The following GLIPR1L2 variants were observed in gnomAD, a reference collection of about 807,000 sequenced individuals.
GLIPR1L2 encodes the protein GLIPR1-like protein 2.
GLIPR1L2 carries 21 observed loss-of-function variants against 28.4 expected under a neutral mutation model. That is an observed-to-expected ratio of 0.74 (90% CI 0.52 to 1.06). GLIPR1L2 has a LOEUF of 1.06. Among genes scored for constraint, GLIPR1L2 ranks in the 50% least tolerant of loss-of-function variants. The probability of loss-of-function intolerance (pLI) is 0.00; values close to 1 mark genes in which losing one functional copy is unlikely to be tolerated. For synonymous variants in GLIPR1L2, 145 were observed against 139.3 expected (o/e 1.04, Z -0.29); for missense variants, 476 against 416.9 (o/e 1.14, Z -1.23).
chr12:75,394,057 C>A (rs961725656), intron 1 of GLIPR1L2, among the ~76,000 whole-genome samples: 2 of 151,956 alleles, frequency 1.3e-5, no homozygotes. Context: ...CCAAGATTTT[C>A]TCTTCTTTGA....
intron 3 of GLIPR1L2, among the ~76,000 whole-genome samples, chr12:75,420,341 T>C (rs1049244270): frequency 6.6e-5 from 10 of 152,220 alleles, no homozygotes; most frequent in African/African-American, 1.9e-4. Flanking sequence ...ACCACCAGAA[T>C]TGTGCTCTCA....
Position 75,413,622 on chromosome 12 carries a change from G to C in GLIPR1L2, c.505G>C (p.Val169Leu). 1 of 1,559,334 alleles carries C rather than the reference G, an allele frequency of 6.4e-7. No homozygotes were observed. Among genetic ancestry groups the C allele is most frequent in the Non-Finnish European group, 8.6e-7 (1 of 1,158,504 alleles). ...IQLVWDHSYK[V>L]GCAVTPCSKI... ...GCTTGTTTGGGACCACTCTTACAAA[G>C]TTGGTTGTGCTGTTACTCCATGTTC... Residue 169 changes from valine to leucine, a missense_variant, in exon 3 of 6, where the codon GTT becomes CTT. Physicochemically the swap from Val to Leu is conservative, Grantham distance 32. Transcript: ENST00000550916.
intron 1 of GLIPR1L2, among the ~76,000 whole-genome samples, chr12:75,400,216 T>G (rs2045724689): frequency 6.6e-6 from 1 of 152,202 alleles, no homozygotes; most frequent in Non-Finnish European, 1.5e-5. Context: ...CCTCCTGGGT[T>G]CATGCCATTC....
At chr12:75,423,691 A>G (rs1032134124) in intron 4 of GLIPR1L2, 3 of 159,624 alleles carry the variant, frequency 1.9e-5, no homozygotes, top group African/African-American at 7.2e-5. Flanking sequence ...TCTACATTAG[A>G]TATTTCTCCT....
intron 3 of GLIPR1L2, among the ~76,000 whole-genome samples, chr12:75,415,831 C>T (rs1421549788): frequency 2.0e-5 from 3 of 152,134 alleles, no homozygotes; most frequent in African/African-American, 7.2e-5. Flanking sequence ...TCTGTCTCCT[C>T]TTCTGTGACC....
chr12:75,408,872 T>C (rs1014149466), intron 1 of GLIPR1L2, among the ~76,000 whole-genome samples: 1 of 151,994 alleles, frequency 6.6e-6, no homozygotes, highest in Admixed American at 6.6e-5. Context: ...GATACAGAGA[T>C]AGAGAGATGT....
At chr12:75,425,385 A>T (rs1196181585) in intron 4 of GLIPR1L2, among the ~76,000 whole-genome samples, 1 of 152,166 alleles carries the variant, frequency 6.6e-6, no homozygotes, top group Admixed American at 6.5e-5. Flanking sequence ...GCAATCACAC[A>T]TGAGGTGTCT....
At chr12:75,395,947 A>G (rs905332318) in intron 1 of GLIPR1L2, among the ~76,000 whole-genome samples, 8 of 151,530 alleles carry the variant, frequency 5.3e-5, no homozygotes, top group Non-Finnish European at 8.8e-5. Flanking sequence ...CTTTTTACCT[A>G]TGGTGTACAG....
At chr12:75,417,122 T>C (rs565712819) in intron 3 of GLIPR1L2, among the ~76,000 whole-genome samples, 2 of 152,158 alleles carry the variant, frequency 1.3e-5, no homozygotes, top group South Asian at 4.1e-4. Context: ...GAATATTACC[T>C]AATATGGCAA....
chr12:75,406,401 A>T (rs2045800481), intron 1 of GLIPR1L2, among the ~76,000 whole-genome samples: 1 of 152,098 alleles, frequency 6.6e-6, no homozygotes, highest in Admixed American at 6.6e-5. Flanking sequence ...TTGTTTTTTT[A>T]AAAAAGTTAA....
chr12:75,413,912 G>T (rs2202104), intron 3 of GLIPR1L2, among the ~76,000 whole-genome samples: 48,778 of 151,734 alleles, frequency 0.32, 8,648 homozygotes, highest in East Asian at 0.46. Context: ...ACTTCCTGGA[G>T]TAACCTTCAC....
At position 75,410,317 on chromosome 12, in the gene GLIPR1L2, T is replaced by C. The variant is rs2045851922; in HGVS notation, c.235-117T>C. The C allele has an allele frequency of 3.1e-6, 3 of 952,872 alleles. No homozygotes were observed. In the Admixed American group the frequency reaches 1.0e-4, roughly 33 times the overall value. The allele number at this position is 952,872 out of a possible 1,614,324, so 59.0% of individuals were successfully genotyped here. ...CCCAGCAGAAATTTCTCAACCAAGA[T>C]GCACAAGTACAAAGTTAGAATTGTT... On this transcript the variant is annotated intron_variant, in intron 1 of 5. Coordinates refer to ENST00000550916, the MANE Select transcript of GLIPR1L2 (RefSeq NM_001270396.2).
intron 1 of GLIPR1L2, among the ~76,000 whole-genome samples, chr12:75,396,748 T>G (rs942931621): frequency 6.6e-6 from 1 of 152,138 alleles, no homozygotes; most frequent in Non-Finnish European, 1.5e-5. Flanking sequence ...AAATCCTGGT[T>G]TTGAAACCCA....
At chr12:75,393,187 T>C (rs1196738633) in intron 1 of GLIPR1L2, among the ~76,000 whole-genome samples, 2 of 152,148 alleles carry the variant, frequency 1.3e-5, no homozygotes, top group African/African-American at 4.8e-5. Context: ...TTGTTCTACC[T>C]TGCTTTTAAA....
At chr12:75,399,839 C>T (rs1042451019) in intron 1 of GLIPR1L2, among the ~76,000 whole-genome samples, 3 of 152,162 alleles carry the variant, frequency 2.0e-5, no homozygotes, top group African/African-American at 7.2e-5. Context: ...ATGATATAGT[C>T]CTTGTAGAGA....
At chr12:75,391,608 G>C in intron 1 of GLIPR1L2, 1 of 1,179,314 alleles carries the variant, frequency 8.5e-7, no homozygotes, top group Non-Finnish European at 1.2e-6. Flanking sequence ...TTTTAAGGGG[G>C]CGCCAATTCA....
intron 3 of GLIPR1L2, among the ~76,000 whole-genome samples, chr12:75,417,813 A>AT (rs975590882): frequency 6.6e-6 from 1 of 152,088 alleles, no homozygotes; most frequent in Admixed American, 6.6e-5. Context: ...ACTAGTCCTT[A>AT]TTTTTCATTT....
In GLIPR1L2 at chr12:75,391,877, ATT is replaced by A. The variant is rs5799223; in HGVS notation, c.234+538_234+539del. 1.2e-4 allele frequency among the ~76,000 whole-genome samples: 17 copies of A among 147,484 alleles called. No homozygotes were observed. The East Asian group carries it at 2.4e-3, about 21-fold the overall frequency. On this transcript the variant is annotated intron_variant, in intron 1 of 5. Coordinates refer to ENST00000550916, the MANE Select transcript of GLIPR1L2 (RefSeq NM_001270396.2). ...CCTTTTAAAAATGTTTGTTATCTTG[ATT>A]TTTTTTTTTTGTGCCCATTCCAAAT...
chr12:75,397,462 G>A (rs2045692974), intron 1 of GLIPR1L2, among the ~76,000 whole-genome samples: 1 of 151,840 alleles, frequency 6.6e-6, no homozygotes, highest in Non-Finnish European at 1.5e-5. Context: ...TCTATCCTAT[G>A]CTTATTTTCA....
Sources: allele counts gnomAD v4.1 joint callset (sites outside exome capture counted in the v4.1 genomes callset), GRCh38; gene constraint gnomAD v4.1.1; transcripts MANE v1.5; gene names NCBI Gene and HGNC (gene_info 2026-07-23, HGNC 2026-07-21).